The following TMEFF2 variants were observed in gnomAD, a reference collection of about 807,000 sequenced individuals.
TMEFF2 encodes transmembrane protein with EGF like and two follistatin like domains 2.
In TMEFF2, 28 loss-of-function variants were observed where a neutral mutation model predicts 53.8. That is an observed-to-expected ratio of 0.52 (90% confidence interval 0.39 to 0.71). The LOEUF (loss-of-function observed/expected upper bound fraction) is 0.71, where lower values mean the gene tolerates loss of function less well. TMEFF2 is among the 30% of genes least tolerant of loss of function. The probability of loss-of-function intolerance (pLI) is 0.00; values close to 1 mark genes in which losing one functional copy is unlikely to be tolerated. For missense variants in TMEFF2, 353 were observed against 455.2 expected, an observed-to-expected ratio of 0.78 and a Z score of 2.04; for synonymous variants, 162 against 166.3, an observed-to-expected ratio of 0.97 and a Z score of 0.20.
chr2:191,987,493 G>A (rs1686005781), intron 7 of TMEFF2, among the ~76,000 whole-genome samples: 1 of 151,872 alleles, frequency 6.6e-6, no homozygotes, highest in Admixed American at 6.6e-5. Flanking sequence ...TGCAACCTTG[G>A]ACTCTGGGGC....
chr2:192,045,551 C>T (rs1201221847), intron 5 of TMEFF2, among the ~76,000 whole-genome samples: 2 of 152,194 alleles, frequency 1.3e-5, no homozygotes, highest in Non-Finnish European at 2.9e-5. Context: ...CTGTAGCTAC[C>T]ACTCAGCTTC....
chr2:192,019,265 G>T (rs1024972379), intron 5 of TMEFF2, among the ~76,000 whole-genome samples: 5 of 151,322 alleles, frequency 3.3e-5, no homozygotes, highest in African/African-American at 1.2e-4. Flanking sequence ...CATAAAAGAT[G>T]GTAATAAATT....
At chr2:192,042,308 A>G (rs1041691062) in intron 5 of TMEFF2, among the ~76,000 whole-genome samples, 13 of 152,180 alleles carry the variant, frequency 8.5e-5, no homozygotes, top group African/African-American at 3.1e-4. Flanking sequence ...AATTGAGTAC[A>G]TGCTGTTGGA....
chr2:192,097,040 T>C (rs1223330136), intron 4 of TMEFF2, among the ~76,000 whole-genome samples: 2 of 152,204 alleles, frequency 1.3e-5, no homozygotes, highest in African/African-American at 2.4e-5. Flanking sequence ...AATGAAATCA[T>C]CAAATTTGTG....
intron 7 of TMEFF2, among the ~76,000 whole-genome samples, chr2:191,995,627 A>C (rs2105831421): frequency 6.6e-6 from 1 of 152,168 alleles, no homozygotes; most frequent in African/African-American, 2.4e-5. Flanking sequence ...CAAATTCAGG[A>C]AACTGTAAAT....
chr2:192,145,237 C>G (rs1690221633), intron 4 of TMEFF2, among the ~76,000 whole-genome samples: 1 of 151,942 alleles, frequency 6.6e-6, no homozygotes, highest in South Asian at 2.1e-4. Flanking sequence ...GCAACATTAT[C>G]ATTAGAAAAT....
chr2:192,073,746 A>G (rs1688346067), intron 4 of TMEFF2, among the ~76,000 whole-genome samples: 1 of 152,048 alleles, frequency 6.6e-6, no homozygotes, highest in African/African-American at 2.4e-5. Flanking sequence ...TGACTTCTCA[A>G]TGTATAATAC....
chr2:192,194,733 G>C lies in TMEFF2; in HGVS notation c.-209C>G, dbSNP rs1691564711. 3.4e-6 allele frequency: 2 copies of C among 591,406 alleles called. No individual in the cohort carries two copies. Among genetic ancestry groups the C allele is most frequent in the Admixed American group, 3.0e-5 (1 of 32,996 alleles). The allele number at this position is 591,406 out of a possible 1,614,324, so 36.6% of individuals were successfully genotyped here. ...CAGGGACTGGGCTCAGCCCCGGAGC[G>C]AGAGGGTCGTCCGCTGAGAAGCTGC... is the stretch of plus-strand genomic sequence containing the variant. On this transcript the variant is annotated 5_prime_UTR_variant, in exon 1 of 10. Transcript: ENST00000272771. This position sits in a 1 kb window ranked among gnomAD's most constrained non-coding sequence, Gnocchi z 4.2.
In TMEFF2 at chr2:192,075,319, A is replaced by G. The variant is rs1024775830; in HGVS notation, c.440-17544T>C. Among the ~76,000 whole-genome samples the G allele has an allele frequency of 6.5e-5, 6 of 92,244 alleles. 1 individual carries two copies. In the Admixed American group the frequency reaches 6.6e-4, roughly 10 times the overall value. 60.5% of individuals were successfully genotyped at this position (92,244 alleles called of 152,430 possible). A position where few individuals can be genotyped will look rare whatever the true frequency, so the allele number is the denominator to read the frequency against. On this transcript the variant is annotated intron_variant, in intron 4 of 9. Coordinates refer to ENST00000272771, the MANE Select transcript of TMEFF2 (RefSeq NM_016192.4). ...TATATATATATATATATATATATAT[A>G]TATATATATATATACATACATACTA... is the stretch of plus-strand genomic sequence containing the variant.
chr2:191,999,214 A>C lies in TMEFF2; in HGVS notation c.537-6T>G. 8 of 1,573,646 alleles carry C rather than the reference A, an allele frequency of 5.1e-6. No homozygotes were observed. Among genetic ancestry groups the C allele is most frequent in the Non-Finnish European group, 6.9e-6 (8 of 1,154,166 alleles). On this transcript the variant is annotated splice_polypyrimidine_tract_variant and splice_region_variant and intron_variant, in intron 5 of 9. Transcript: ENST00000272771. Reference sequence around the variant, plus strand: ...AGTCAATATTACACACACACCTAAAAAAAGAGAGAAATAAAAACATGTAAC... The same window carrying C: ...AGTCAATATTACACACACACCTAAACAAAGAGAGAAATAAAAACATGTAAC...
chr2:191,970,126 A>C (rs1000130040), intron 7 of TMEFF2, among the ~76,000 whole-genome samples: 2 of 152,162 alleles, frequency 1.3e-5, no homozygotes, highest in Non-Finnish European at 2.9e-5. Flanking sequence ...AGATGTGAAG[A>C]TCCATGGTAG....
At chr2:192,071,902 C>T (rs902123890) in intron 4 of TMEFF2, among the ~76,000 whole-genome samples, 14 of 151,806 alleles carry the variant, frequency 9.2e-5, no homozygotes, top group South Asian at 4.2e-4. Context: ...AAATAAGTTA[C>T]GTGCTGAGTC....
chr2:192,095,893 T>A (rs1426537840), intron 4 of TMEFF2, among the ~76,000 whole-genome samples: 1 of 152,162 alleles, frequency 6.6e-6, no homozygotes, highest in Non-Finnish European at 1.5e-5. Context: ...TCCTTCCTAG[T>A]TTTTGACATA....
chr2:192,051,848 G>A (rs936951167), intron 5 of TMEFF2, among the ~76,000 whole-genome samples: 1 of 152,192 alleles, frequency 6.6e-6, no homozygotes, highest in African/African-American at 2.4e-5. Flanking sequence ...AGAAATGCCA[G>A]ATCCCACACC....
At chr2:192,008,181 T>C (rs575085560) in intron 5 of TMEFF2, among the ~76,000 whole-genome samples, 2 of 152,322 alleles carry the variant, frequency 1.3e-5, no homozygotes, top group South Asian at 4.1e-4. Context: ...TATTAATGTA[T>C]ACTCTGCCTG....
At chr2:192,062,997 T>G (rs913830468) in intron 4 of TMEFF2, among the ~76,000 whole-genome samples, 2 of 151,348 alleles carry the variant, frequency 1.3e-5, no homozygotes, top group Admixed American at 1.3e-4. Flanking sequence ...GTTGTTGCTA[T>G]TCAATTACAA....
rs71405028 is a variant in TMEFF2, at chr2:191,955,524, A to ATTTTTTTT, written c.869+723_869+730dup. ...TGCCACCGTGCCTGGCTAATTCTTAATTTTTTTTTTTTTTTTTTTTTTTTA... is the reference window on the plus strand; with the variant it reads ...TGCCACCGTGCCTGGCTAATTCTTAATTTTTTTTTTTTTTTTTTTTTTTTTTTTTTTTA... On this transcript the variant is annotated intron_variant, in intron 8 of 9. Transcript: ENST00000272771. 4.7e-3 allele frequency among the ~76,000 whole-genome samples: 281 copies of ATTTTTTTT among 60,274 alleles called. 54 individuals carry two copies. Among genetic ancestry groups the ATTTTTTTT allele is most frequent in the South Asian group, 0.036 (41 of 1,136 alleles). 39.5% of individuals were successfully genotyped at this position (60,274 alleles called of 152,430 possible). A position where few individuals can be genotyped will look rare whatever the true frequency, so the allele number is the denominator to read the frequency against.
intron 5 of TMEFF2, among the ~76,000 whole-genome samples, chr2:192,010,530 TC>T (rs34849289): frequency 6.6e-6 from 1 of 151,514 alleles, no homozygotes; most frequent in Non-Finnish European, 1.5e-5. Context: ...CACTTTTTTT[TC>T]CCCCCACTGA....
At chr2:192,066,270 C>T (rs561457863) in intron 4 of TMEFF2, among the ~76,000 whole-genome samples, 2 of 151,754 alleles carry the variant, frequency 1.3e-5, no homozygotes, top group Admixed American at 6.6e-5. Flanking sequence ...AGTGCAGTAA[C>T]GTGTTCAGAT....
Sources: allele counts gnomAD v4.1 joint callset (sites outside exome capture counted in the v4.1 genomes callset), GRCh38; gene constraint gnomAD v4.1.1; non-coding constraint Gnocchi (gnomAD v3.1); transcripts MANE v1.5; gene names NCBI Gene and HGNC (gene_info 2026-07-23, HGNC 2026-07-21).